The following GANC variants were observed in gnomAD, a reference collection of about 807,000 sequenced individuals.
The protein encoded by GANC is neutral alpha-glucosidase C.
In GANC, 117 loss-of-function variants were observed where a neutral mutation model predicts 124.2. The ratio of observed to expected loss-of-function variants is 0.94; its 90% CI spans 0.81 to 1.10. GANC has a LOEUF of 1.10. GANC is among the 50% of genes least tolerant of loss of function. The probability of loss-of-function intolerance (pLI) is 0.00; values close to 1 mark genes in which losing one functional copy is unlikely to be tolerated. For synonymous variants in GANC, 377 were observed against 376.8 expected, an observed-to-expected ratio of 1.00 and a Z score of -0.01; for missense variants, 1,140 against 1,095.0, an observed-to-expected ratio of 1.04 and a Z score of -0.58.
chr15:42,324,030 G>A (rs1165728879), intron 11 of GANC, among the ~76,000 whole-genome samples: 2 of 152,124 alleles, frequency 1.3e-5, no homozygotes, highest in Admixed American at 1.3e-4. Context: ...AACATTACAA[G>A]TTTTTGAATA....
At chr15:42,304,685 G>A (rs1031109612) in intron 6 of GANC, among the ~76,000 whole-genome samples, 8 of 152,138 alleles carry the variant, frequency 5.3e-5, no homozygotes, top group African/African-American at 1.9e-4. Flanking sequence ...GAACAAAGCT[G>A]GAGTTATCAC....
chr15:42,344,810 A>T (rs1255695660), intron 19 of GANC: 2 of 152,212 alleles, frequency 1.3e-5, no homozygotes, highest in African/African-American at 4.8e-5. Flanking sequence ...TCTCAAGTTG[A>T]TTCCAGCAAA....
chr15:42,332,282 A>C (rs2052252281), intron 15 of GANC, among the ~76,000 whole-genome samples: 1 of 152,188 alleles, frequency 6.6e-6, no homozygotes, highest in Admixed American at 6.5e-5. Flanking sequence ...TTTTTCTTTT[A>C]TCTAACTTTA....
intron 3 of GANC, among the ~76,000 whole-genome samples, chr15:42,282,583 C>T (rs1057363730): frequency 6.6e-6 from 1 of 152,208 alleles, no homozygotes; most frequent in African/African-American, 2.4e-5. Context: ...ACAAATCCAA[C>T]ACTCTTGGTG....
At chr15:42,274,601 G>T (rs1321355232) in intron 1 of GANC, 91 bp downstream of exon 1, 1 of 1,261,432 alleles carries the variant, frequency 7.9e-7, no homozygotes, top group African/African-American at 1.5e-5. Context: ...TGCGTATTTG[G>T]TATTTGCTGA....
At chr15:42,294,574 C>CAA (rs34588821) in intron 5 of GANC, among the ~76,000 whole-genome samples, 4,131 of 119,026 alleles carry the variant, frequency 0.035, 141 homozygotes, top group Middle Eastern at 0.091. Flanking sequence ...GACTCTGTCT[C>CAA]AAAAAAAAAA....
Position 42,310,930 on chromosome 15 carries a change from G to A in GANC, c.1057+84G>A. 7 of 1,422,266 alleles carry A rather than the reference G, an allele frequency of 4.9e-6. No individual in the cohort carries two copies. In the South Asian group the frequency reaches 7.5e-5, roughly 15 times the overall value. The allele number at this position is 1,422,266 out of a possible 1,614,324, so 88.1% of individuals were successfully genotyped here. A position where few individuals can be genotyped will look rare whatever the true frequency, so the allele number is the denominator to read the frequency against. On this transcript the variant is annotated intron_variant, in intron 10 of 23. Transcript: ENST00000318010. Reference sequence around the variant, plus strand: ...TCATCACGGTAAGTTAATATTTGTTGTATACTATGTAGAGTTTATAACTTA... The same window carrying A: ...TCATCACGGTAAGTTAATATTTGTTATATACTATGTAGAGTTTATAACTTA...
intron 10 of GANC, among the ~76,000 whole-genome samples, chr15:42,320,116 G>T (rs1014135793): frequency 6.6e-6 from 1 of 152,196 alleles, no homozygotes; most frequent in East Asian, 1.9e-4. Flanking sequence ...CCCAGAGGCG[G>T]AGGTTGCAGT....
At chr15:42,336,150 GAAAA>G (rs1034705058) in intron 15 of GANC, among the ~76,000 whole-genome samples, 15 of 125,008 alleles carry the variant, frequency 1.2e-4, no homozygotes, top group Admixed American at 9.6e-4. Context: ...AAAAAAAAAA[GAAAA>G]AAAAAAGAGC....
intron 10 of GANC, among the ~76,000 whole-genome samples, chr15:42,319,496 T>C (rs2412700): frequency 0.91 from 138,148 of 151,930 alleles, 64,167 homozygotes; most frequent in Non-Finnish European, 1. Context: ...GGGCATGTGC[T>C]ACATGCCCAG....
intron 18 of GANC, 79 bp from the exon 19 acceptor site, chr15:42,342,999 C>G: frequency 8.5e-7 from 1 of 1,180,168 alleles, no homozygotes; most frequent in East Asian, 2.4e-5. Flanking sequence ...ACCATGATAG[C>G]TAGCACTCAG....
chr15:42,345,886 G>A, intron 20 of GANC, 54 bp downstream of exon 20: 1 of 1,263,790 alleles, frequency 7.9e-7, no homozygotes, highest in Non-Finnish European at 1.1e-6. Context: ...TGGTCGGCTA[G>A]GGCTGCCATG....
chr15:42,315,274 T>C (rs983197768), intron 10 of GANC, among the ~76,000 whole-genome samples: 1 of 151,586 alleles, frequency 6.6e-6, no homozygotes, highest in African/African-American at 2.4e-5. Flanking sequence ...AATAAATAAA[T>C]CTTTACCAAA....
chr15:42,297,783 G>A lies in GANC; in HGVS notation c.558+127G>A, dbSNP rs576468718. 1.5e-4 allele frequency: 83 copies of A among 551,284 alleles called. No individual in the cohort carries two copies. The African/African-American group carries it at 1.5e-3, about 10-fold the overall frequency. 34.1% of individuals were successfully genotyped at this position (551,284 alleles called of 1,614,324 possible). A position where few individuals can be genotyped will look rare whatever the true frequency, so the allele number is the denominator to read the frequency against. ...TAAATGATCGACTGCATATAAATAGGACCACTTGTTTCTTCGGCTCACCTT... is the reference window on the plus strand; with the variant it reads ...TAAATGATCGACTGCATATAAATAGAACCACTTGTTTCTTCGGCTCACCTT... On this transcript the variant is annotated intron_variant, in intron 6 of 23. Coordinates refer to ENST00000318010, the MANE Select transcript of GANC (RefSeq NM_198141.3).
At chr15:42,315,013 T>G (rs1442478173) in intron 10 of GANC, among the ~76,000 whole-genome samples, 1 of 152,202 alleles carries the variant, frequency 6.6e-6, no homozygotes, top group Non-Finnish European at 1.5e-5. Flanking sequence ...AACCTCCAAC[T>G]ATTAGGTAAT....
In GANC at chr15:42,297,628, A is replaced by G. The variant is rs1026777624; in HGVS notation, c.530A>G (p.Glu177Gly). The G allele has an allele frequency of 1.9e-6, 3 of 1,612,342 alleles. No homozygotes were observed. Among genetic ancestry groups the G allele is most frequent in the Admixed American group, 1.7e-5 (1 of 59,928 alleles). ...TAAAACAGAGCTGCTAAAGAAAATG[A>G]GGAGGAGACATCAGTGGACACCTCT... is the stretch of plus-strand genomic sequence containing the variant. Reference protein sequence around the residue: ...LHKQRAAKENEEETSVDTSQE... With the variant: ...LHKQRAAKENGEETSVDTSQE... Residue 177 changes from glutamate to glycine, a missense_variant, in exon 6 of 24, where the codon GAG becomes GGG. Coordinates refer to ENST00000318010, the MANE Select transcript of GANC (RefSeq NM_198141.3).
chr15:42,322,757 G>A (rs1195440457), intron 11 of GANC, among the ~76,000 whole-genome samples: 1 of 152,156 alleles, frequency 6.6e-6, no homozygotes, highest in African/African-American at 2.4e-5. Flanking sequence ...AATAGAAAAT[G>A]GGGAGGGAGA....
chr15:42,303,023 C>A (rs963280928), intron 6 of GANC, among the ~76,000 whole-genome samples: 3 of 152,134 alleles, frequency 2.0e-5, no homozygotes, highest in South Asian at 2.1e-4. Context: ...AGATACTACT[C>A]CTCAAGAAGA....
At chr15:42,298,958 T>G (rs4924653) in intron 6 of GANC, among the ~76,000 whole-genome samples, 109,448 of 151,920 alleles carry the variant, frequency 0.72, 42,233 homozygotes, top group Non-Finnish European at 0.86. Flanking sequence ...AGGATTTTTT[T>G]GGGGCTGAGA....
Sources: allele counts gnomAD v4.1 joint callset (sites outside exome capture counted in the v4.1 genomes callset), GRCh38; gene constraint gnomAD v4.1.1; transcripts MANE v1.5; gene names NCBI Gene and HGNC (gene_info 2026-07-23, HGNC 2026-07-21).